Variants in ZBTB20 observed in about 807,000 individuals in gnomAD.
The protein encoded by ZBTB20 is zinc finger and BTB domain-containing protein 20.
In ZBTB20, 9 loss-of-function variants were observed where a neutral mutation model predicts 56.9. The observed-to-expected ratio is 0.16, with a 90% CI of 0.10 to 0.28. The LOEUF is 0.28. ZBTB20 is among the 10% of genes least tolerant of loss of function. The pLI, the probability that ZBTB20 is intolerant of heterozygous loss-of-function variation, is 1.00. For missense variants in ZBTB20, 655 were observed against 1,003.0 expected, an observed-to-expected ratio of 0.65 and a Z score of 4.69; for synonymous variants, 417 against 420.7, an observed-to-expected ratio of 0.99 and a Z score of 0.11.
At chr3:114,923,918 T>G (rs972003372) in intron 3 of ZBTB20, among the ~76,000 whole-genome samples, 14 of 151,920 alleles carry the variant, frequency 9.2e-5, no homozygotes, top group Non-Finnish European at 2.9e-5. Flanking sequence ...AAGGCCTGAA[T>G]AGACATTTTT....
chr3:114,748,156 T>C (rs2067208000), intron 5 of ZBTB20, among the ~76,000 whole-genome samples: 1 of 152,114 alleles, frequency 6.6e-6, no homozygotes, highest in Non-Finnish European at 1.5e-5. Flanking sequence ...ACATGGGAGA[T>C]ACTGCCCAGG....
At chr3:114,558,235 C>T (rs1364046965) in intron 6 of ZBTB20, among the ~76,000 whole-genome samples, 1 of 152,006 alleles carries the variant, frequency 6.6e-6, no homozygotes. Context: ...TTTCAGGAAA[C>T]AGAGGAAGCA....
chr3:114,607,453 C>A lies in ZBTB20; in HGVS notation c.-295+86075G>T, dbSNP rs531389632. Among the ~76,000 whole-genome samples the A allele has an allele frequency of 1.2e-4, 18 of 151,942 alleles. No homozygotes were observed. The South Asian group carries it at 2.5e-3, about 21-fold the overall frequency. On this transcript the variant is annotated intron_variant, in intron 6 of 11. Coordinates refer to ENST00000675478, the MANE Select transcript of ZBTB20 (RefSeq NM_001348800.3). ...AAATAGCTGGGATTACAGGCATGCACCCCCAACGCCGGGCTAATTTTGTAT... is the reference window on the plus strand; with the variant it reads ...AAATAGCTGGGATTACAGGCATGCAACCCCAACGCCGGGCTAATTTTGTAT...
intron 10 of ZBTB20, among the ~76,000 whole-genome samples, chr3:114,362,875 G>T (rs550294389): frequency 3.5e-4 from 53 of 152,218 alleles, no homozygotes; most frequent in African/African-American, 1.3e-3. Context: ...TAACCTGCTT[G>T]GTAACAGATG....
intron 7 of ZBTB20, among the ~76,000 whole-genome samples, chr3:114,391,085 C>T (rs906402947): frequency 1.3e-5 from 2 of 152,106 alleles, no homozygotes; most frequent in African/African-American, 4.8e-5. Context: ...TCTATACCAG[C>T]CCCTATTTCT....
chr3:114,885,043 G>C (rs2076549342), intron 4 of ZBTB20, among the ~76,000 whole-genome samples: 1 of 152,188 alleles, frequency 6.6e-6, no homozygotes, highest in African/African-American at 2.4e-5. Flanking sequence ...TATAGGATAT[G>C]GCAAAGTTTA....
At chr3:114,925,802 A>G (rs2076137633) in intron 3 of ZBTB20, among the ~76,000 whole-genome samples, 1 of 152,214 alleles carries the variant, frequency 6.6e-6, no homozygotes, top group South Asian at 2.1e-4. Flanking sequence ...CTGGGATTAC[A>G]GGTGTGAGCC....
intron 5 of ZBTB20, among the ~76,000 whole-genome samples, chr3:114,729,062 A>C (rs1274217): frequency 0.22 from 33,126 of 152,006 alleles, 3,934 homozygotes; most frequent in East Asian, 0.38. Context: ...ACATGTGCCC[A>C]AGAACTTAAA....
chr3:114,851,038 T>G (rs1413989963), intron 4 of ZBTB20, among the ~76,000 whole-genome samples: 1 of 152,184 alleles, frequency 6.6e-6, no homozygotes, highest in Admixed American at 6.5e-5. Context: ...TTATCCTGTC[T>G]ACCCAAACTC....
At chr3:114,765,752 C>T (rs187354893) in intron 5 of ZBTB20, among the ~76,000 whole-genome samples, 24 of 152,156 alleles carry the variant, frequency 1.6e-4, no homozygotes, top group Admixed American at 3.3e-4. Context: ...TTGCAGAAAA[C>T]GAATCAATAT....
At position 114,574,025 on chromosome 3, in the gene ZBTB20, T is replaced by C. The variant is rs1027215401; in HGVS notation, c.-294-73634A>G. Reference sequence around the variant, plus strand: ...TTTATATTTGGGATTGTTTTAGGTATATATATTTATTTGTATCTTTTGGAC... The same window carrying C: ...TTTATATTTGGGATTGTTTTAGGTACATATATTTATTTGTATCTTTTGGAC... On this transcript the variant is annotated intron_variant, in intron 6 of 11. Transcript: ENST00000675478. Among the ~76,000 whole-genome samples, 5 of 152,172 alleles carry C rather than the reference T, an allele frequency of 3.3e-5. No homozygotes were observed. In the East Asian group the frequency reaches 9.6e-4, roughly 29 times the overall value.
intron 1 of ZBTB20, among the ~76,000 whole-genome samples, chr3:115,132,129 T>C (rs556732830): frequency 7.2e-5 from 11 of 152,328 alleles, no homozygotes; most frequent in African/African-American, 1.9e-4. Context: ...TTTATTAACT[T>C]TGAAATAATA....
intron 6 of ZBTB20, among the ~76,000 whole-genome samples, chr3:114,604,056 G>T (rs1161294173): frequency 6.6e-6 from 1 of 151,946 alleles, no homozygotes; most frequent in Admixed American, 6.6e-5. Context: ...AATTTATCCT[G>T]CAGATAAACT....
intron 2 of ZBTB20, among the ~76,000 whole-genome samples, chr3:115,001,617 T>C (rs886120561): frequency 1.3e-5 from 2 of 151,246 alleles, no homozygotes; most frequent in Non-Finnish European, 3.0e-5. Flanking sequence ...AATATTGAAA[T>C]GTAAAATTGA....
At chr3:114,848,258 A>G (rs1216234565) in intron 4 of ZBTB20, among the ~76,000 whole-genome samples, 1 of 152,174 alleles carries the variant, frequency 6.6e-6, no homozygotes, top group Non-Finnish European at 1.5e-5. Flanking sequence ...GTGTCTGAAC[A>G]CATGCGGGCA....
chr3:114,588,940 C>T (rs942015122), intron 6 of ZBTB20, among the ~76,000 whole-genome samples: 3 of 152,102 alleles, frequency 2.0e-5, no homozygotes, highest in Admixed American at 2.0e-4. Flanking sequence ...GCAGAAGGCA[C>T]CTCTTCACCG....
chr3:114,896,911 C>G (rs2074906417), intron 4 of ZBTB20, among the ~76,000 whole-genome samples: 2 of 151,976 alleles, frequency 1.3e-5, no homozygotes, highest in Admixed American at 6.6e-5. Flanking sequence ...TGTATAGAAC[C>G]TCTGAGTACA....
chr3:114,589,039 G>A (rs1245656016), intron 6 of ZBTB20, among the ~76,000 whole-genome samples: 1 of 152,038 alleles, frequency 6.6e-6, no homozygotes, highest in East Asian at 1.9e-4. Flanking sequence ...TCACCATCAC[G>A]AGAAAATCAT....
chr3:115,077,508 T>G, intron 1 of ZBTB20, among the ~76,000 whole-genome samples: 1 of 152,230 alleles, frequency 6.6e-6, no homozygotes, highest in East Asian at 1.9e-4. Flanking sequence ...CCTCCAGAAC[T>G]ACGAGTAATA....
Sources: gnomAD v4.1 joint callset for allele counts (sites outside exome capture counted in the v4.1 genomes callset) on GRCh38, gnomAD v4.1.1 for gene constraint, MANE v1.5 for transcripts, NCBI Gene and HGNC (gene_info 2026-07-23, HGNC 2026-07-21) for gene names.